The following RFX3 variants were observed in gnomAD, a reference collection of about 807,000 sequenced individuals.
RFX3 encodes regulatory factor X3.
In RFX3, 14 loss-of-function variants were observed where a neutral mutation model predicts 98.6. The ratio of observed to expected loss-of-function variants is 0.14; its 90% CI spans 0.09 to 0.22. The LOEUF is 0.22. Ranked by LOEUF, RFX3 falls within the 10% of genes least tolerant of loss-of-function variation. The pLI is 1.00. For missense variants in RFX3, 639 were observed against 926.9 expected, an observed-to-expected ratio of 0.69 and a Z score of 4.03; for synonymous variants, 383 against 328.4, an observed-to-expected ratio of 1.17 and a Z score of -1.80.
intron 2 of RFX3, among the ~76,000 whole-genome samples, chr9:3,365,476 C>G (rs1485477671): frequency 6.6e-6 from 1 of 152,092 alleles, no homozygotes; most frequent in African/African-American, 2.4e-5. Flanking sequence ...ACATTTCATG[C>G]ATGAATTAAA....
intron 14 of RFX3, among the ~76,000 whole-genome samples, chr9:3,255,437 A>T (rs1189096234): frequency 6.6e-6 from 1 of 152,216 alleles, no homozygotes; most frequent in Non-Finnish European, 1.5e-5. Flanking sequence ...AGCTACAGTC[A>T]GGTGTATGTC....
chr9:3,224,746 G>C lies in RFX3; in HGVS notation c.*296C>G. 4.2e-6 allele frequency: 1 copy of C among 236,008 alleles called. No individual in the cohort carries two copies. 14.6% of individuals were successfully genotyped at this position (236,008 alleles called of 1,614,324 possible). On this transcript the variant is annotated 3_prime_UTR_variant, in exon 17 of 17. Transcript: ENST00000617270. Reference sequence around the variant, plus strand: ...TAAAATATTTTAAGCTACAAAAAATGTAAATTACTTTTTAATTATAAGAAA... The same window carrying C: ...TAAAATATTTTAAGCTACAAAAAATCTAAATTACTTTTTAATTATAAGAAA...
chr9:3,389,978 T>C (rs553730818), intron 2 of RFX3, among the ~76,000 whole-genome samples: 42 of 152,312 alleles, frequency 2.8e-4, no homozygotes, highest in Non-Finnish European at 5.6e-4. Context: ...CTTGAGGTCA[T>C]ATAAAATAAA....
chr9:3,400,580 A>G (rs1189831776), intron 1 of RFX3, among the ~76,000 whole-genome samples: 1 of 152,100 alleles, frequency 6.6e-6, no homozygotes, highest in Non-Finnish European at 1.5e-5. Context: ...TTGTGTCTCC[A>G]TTTTCCTTCA....
intron 1 of RFX3, chr9:3,420,692 G>A (rs937350887): frequency 1.4e-6 from 1 of 702,692 alleles, no homozygotes; most frequent in Admixed American, 6.3e-5. Context: ...TAAGAGGCAG[G>A]TTCCACAGCA....
chr9:3,506,408 T>C (rs1817101278), intron 1 of RFX3, among the ~76,000 whole-genome samples: 1 of 151,750 alleles, frequency 6.6e-6, no homozygotes, highest in Admixed American at 6.6e-5. Flanking sequence ...TCCTCTACTT[T>C]TGACATCCCA....
At chr9:3,236,372 G>T (rs1819149854) in intron 15 of RFX3, among the ~76,000 whole-genome samples, 1 of 152,078 alleles carries the variant, frequency 6.6e-6, no homozygotes, top group African/African-American at 2.4e-5. Context: ...CCAAAATTGA[G>T]GAAACCAAAA....
intron 1 of RFX3, among the ~76,000 whole-genome samples, chr9:3,441,724 A>C (rs1335844288): frequency 6.6e-6 from 1 of 152,144 alleles, no homozygotes; most frequent in Non-Finnish European, 1.5e-5. Context: ...GGAGAAATAA[A>C]TGGGAGAGAA....
At chr9:3,466,123 A>G (rs1848192099) in intron 1 of RFX3, among the ~76,000 whole-genome samples, 1 of 152,200 alleles carries the variant, frequency 6.6e-6, no homozygotes, top group Non-Finnish European at 1.5e-5. Context: ...AGACTAAGAA[A>G]TTTTGTCTTT....
chr9:3,322,211 T>C (rs1015065274), intron 4 of RFX3, among the ~76,000 whole-genome samples: 1 of 152,168 alleles, frequency 6.6e-6, no homozygotes, highest in Admixed American at 6.5e-5. Flanking sequence ...TTAGGGAGGT[T>C]AAATGTTTAA....
intron 1 of RFX3, among the ~76,000 whole-genome samples, chr9:3,493,561 G>A (rs1395491784): frequency 1.3e-5 from 2 of 151,324 alleles, no homozygotes; most frequent in Admixed American, 6.6e-5. Flanking sequence ...GCACGCGCCT[G>A]TATTCCCAGC....
At chr9:3,289,908 A>T (rs1274188277) in intron 6 of RFX3, among the ~76,000 whole-genome samples, 1 of 152,138 alleles carries the variant, frequency 6.6e-6, no homozygotes, top group African/African-American at 2.4e-5. Context: ...ATTGATAGAT[A>T]ATATTAATAA....
At chr9:3,368,733 C>T (rs961125158) in intron 2 of RFX3, among the ~76,000 whole-genome samples, 2 of 152,192 alleles carry the variant, frequency 1.3e-5, no homozygotes, top group Non-Finnish European at 2.9e-5. Flanking sequence ...TAAAATCTAT[C>T]ACCCACCTGC....
chr9:3,279,454 G>C (rs1825650701), intron 7 of RFX3, among the ~76,000 whole-genome samples: 3 of 151,754 alleles, frequency 2.0e-5, no homozygotes, highest in Admixed American at 1.3e-4. Flanking sequence ...AATTCCAATA[G>C]ACTTCAATTA....
At chr9:3,366,260 G>C (rs1587337870) in intron 2 of RFX3, among the ~76,000 whole-genome samples, 1 of 152,190 alleles carries the variant, frequency 6.6e-6, no homozygotes, top group African/African-American at 2.4e-5. Flanking sequence ...CTTTTTATAG[G>C]AGAGTACATA....
chr9:3,259,395 G>T (rs1205668862), intron 13 of RFX3, among the ~76,000 whole-genome samples: 1 of 151,464 alleles, frequency 6.6e-6, no homozygotes, highest in African/African-American at 2.4e-5. Flanking sequence ...TCTCTAAAGT[G>T]AAAATATACT....
chr9:3,423,518 A>C (rs1252700394), intron 1 of RFX3, among the ~76,000 whole-genome samples: 1 of 152,070 alleles, frequency 6.6e-6, no homozygotes, highest in African/African-American at 2.4e-5. Flanking sequence ...TGAGCAAAAG[A>C]AACCAGACAC....
chr9:3,449,937 T>C (rs868204192), intron 1 of RFX3, among the ~76,000 whole-genome samples: 8 of 147,872 alleles, frequency 5.4e-5, no homozygotes, highest in South Asian at 2.1e-4. Context: ...TTAGGACAAA[T>C]AGTGATCATC....
intron 3 of RFX3, 58 bp from the exon 4 acceptor site, chr9:3,330,575 T>A: frequency 6.7e-7 from 1 of 1,482,544 alleles, no homozygotes; most frequent in East Asian, 2.3e-5. Flanking sequence ...CTTATTAATT[T>A]TTTTCTAATA....
Sources: allele counts gnomAD v4.1 joint callset (sites outside exome capture counted in the v4.1 genomes callset), GRCh38; gene constraint gnomAD v4.1.1; transcripts MANE v1.5; gene names NCBI Gene and HGNC (gene_info 2026-07-23, HGNC 2026-07-21).